The following ADGRF4 variants were observed in gnomAD, a reference collection of about 807,000 sequenced individuals.
ADGRF4 encodes G-protein coupled receptor PGR18.
A neutral mutation model predicts 58.5 loss-of-function variants in ADGRF4; 63 were observed. The observed-to-expected ratio is 1.08, with a 90% CI of 0.88 to 1.33. The LOEUF is 1.33. Ranked by LOEUF, ADGRF4 falls within the 40% of genes most tolerant of loss-of-function variation. The pLI is 0.00. For synonymous variants in ADGRF4, 313 were observed against 295.4 expected (o/e 1.06, Z -0.61); for missense variants, 931 against 843.9 (o/e 1.10, Z -1.28).
In ADGRF4 at chr6:47,710,835, G is replaced by A; in HGVS notation, c.249G>A (p.Trp83Ter). ...EIGFTCNQKK[W>*]QKSAETCTSL... is the part of the protein sequence containing the mutation. ...GATTTACATGTAATCAAAAAAAGTG[G>A]CAAAAATCAGCTGAAACATGTACAA... The change falls in exon 4 of 10, where the codon TGG (tryptophan) becomes TGA (stop). Residue 83 changes from tryptophan to a stop codon, truncating the protein, a stop_gained. Transcript: ENST00000283303. LOFTEE classifies it high-confidence loss of function. The A allele has an allele frequency of 6.2e-7, 1 of 1,613,916 alleles. No homozygotes were observed. Among genetic ancestry groups the A allele is most frequent in the Non-Finnish European group, 8.5e-7 (1 of 1,179,908 alleles).
At position 47,717,586 on chromosome 6, in the gene ADGRF4, T is replaced by C. The variant is rs569872843; in HGVS notation, c.2034+235T>C. On this transcript the variant is annotated intron_variant, in intron 8 of 9. Transcript: ENST00000283303. ...ATTGGATGTATTTCAGCTTGACATT[T>C]GAACCCATCAAGATGGGACCACATG... Among the ~76,000 whole-genome samples, 7 of 152,366 alleles carry C rather than the reference T, an allele frequency of 4.6e-5. No individual in the cohort carries two copies. In the East Asian group the frequency reaches 1.3e-3, roughly 29 times the overall value.
At position 47,715,037 on chromosome 6, in the gene ADGRF4, G is replaced by A. The variant is rs777757486; in HGVS notation, c.1792G>A (p.Val598Ile). 1.9e-6 allele frequency: 3 copies of A among 1,613,460 alleles called. No homozygotes were observed. Among genetic ancestry groups the A allele is most frequent in the East Asian group, 4.5e-5 (2 of 44,842 alleles). The change falls in exon 6 of 10, where the codon GTC becomes ATC. Residue 598 changes from valine (V) to isoleucine (I), a missense_variant. Physicochemically the swap from Val to Ile is conservative, Grantham distance 29 (BLOSUM62 3). Transcript: ENST00000283303. ...TGGCAGTTCCAAGTCTCAGGATGTG[G>A]TCATAATTATGAGGATCAGCAAAAA... ...SIGSSKSQDVVIIMRISKNVA... is the reference protein window; with the variant it reads ...SIGSSKSQDVIIIMRISKNVA...
intron 1 of ADGRF4, among the ~76,000 whole-genome samples, chr6:47,704,666 A>G (rs184034796): frequency 1.1e-4 from 16 of 152,292 alleles, no homozygotes; most frequent in South Asian, 8.3e-4. Flanking sequence ...CTTGTGAATT[A>G]AACTTAGTGG....
intron 5 of ADGRF4, among the ~76,000 whole-genome samples, chr6:47,712,927 A>C (rs1408654157): frequency 6.6e-6 from 1 of 152,226 alleles, no homozygotes; most frequent in Non-Finnish European, 1.5e-5. Flanking sequence ...ACACCCAGGC[A>C]GTGGATTGGT....
intron 1 of ADGRF4, among the ~76,000 whole-genome samples, chr6:47,706,430 G>T (rs1056069604): frequency 1.3e-5 from 2 of 152,176 alleles, no homozygotes; most frequent in African/African-American, 4.8e-5. Context: ...AGACGGTTGG[G>T]TTTATTAATT....
At chr6:47,708,349 A>G in intron 3 of ADGRF4, 71 bp downstream of exon 3, 1 of 1,185,084 alleles carries the variant, frequency 8.4e-7, no homozygotes, top group Non-Finnish European at 1.3e-6. Context: ...CTGATGTTGC[A>G]AGCTTGTCCC....
Position 47,714,135 on chromosome 6 carries a change from C to T in ADGRF4, c.890C>T (p.Thr297Ile), listed in dbSNP as rs1310569309. 5 of 1,613,842 alleles carry T rather than the reference C, an allele frequency of 3.1e-6. No homozygotes were observed. Among genetic ancestry groups the T allele is most frequent in the East Asian group, 2.2e-5 (1 of 44,896 alleles). The change falls in exon 6 of 10, where the codon ACC becomes ATC. Residue 297 changes from threonine (T) to isoleucine (I), a missense_variant. Physicochemically the swap from Thr to Ile is moderately conservative, Grantham distance 89. Transcript: ENST00000283303. ...ASQAISIAFP[T>I]LGAILREAHL... The stretch of plus-strand genomic sequence containing the variant: ...CAAGCCATTAGCATAGCTTTCCCAA[C>T]CTTGGGGGCTATCCTGAGAGAAGCC...
intron 1 of ADGRF4, among the ~76,000 whole-genome samples, chr6:47,700,404 C>T (rs1029759890): frequency 1.3e-5 from 2 of 152,208 alleles, no homozygotes; most frequent in Admixed American, 6.5e-5. Flanking sequence ...CCCAGACAGA[C>T]TCACTGTAGT....
intron 9 of ADGRF4, among the ~76,000 whole-genome samples, chr6:47,718,788 G>A (rs1470217425): frequency 6.6e-6 from 1 of 152,126 alleles, no homozygotes; most frequent in Admixed American, 6.5e-5. Flanking sequence ...GAATTACAAA[G>A]CAACAGGTCT....
chr6:47,720,352 C>T (rs61352896), intron 9 of ADGRF4, among the ~76,000 whole-genome samples: 2 of 152,180 alleles, frequency 1.3e-5, no homozygotes, highest in African/African-American at 2.4e-5. Context: ...AATAGAGGAT[C>T]GAAGGCTGAC....
intron 6 of ADGRF4, 89 bp from the exon 7 acceptor site, chr6:47,716,717 A>T: frequency 1.1e-6 from 1 of 949,486 alleles, no homozygotes; most frequent in South Asian, 1.4e-5. Flanking sequence ...TAACTGCCCT[A>T]GGAGGTATCT....
Position 47,698,785 on chromosome 6 carries a change from C to T in ADGRF4, c.-26C>T. Reference sequence around the variant, plus strand: ...CACCTCTGGGCTGCTAGATCTACTTCCTGGATGCCGTGAGTAGATGTCCTA... The same window carrying T: ...CACCTCTGGGCTGCTAGATCTACTTTCTGGATGCCGTGAGTAGATGTCCTA... On this transcript the variant is annotated 5_prime_UTR_variant, in exon 1 of 10. Coordinates refer to ENST00000283303, the MANE Select transcript of ADGRF4 (RefSeq NM_153838.5). The T allele has an allele frequency of 6.6e-6, 1 of 152,228 alleles. No homozygotes were observed. The highest frequency in any genetic ancestry group is 1.9e-4 in the East Asian group (1 of 5,198). The allele number at this position is 152,228 out of a possible 1,614,324, so 9.4% of individuals were successfully genotyped here.
Position 47,713,931 on chromosome 6 carries a change from A to G in ADGRF4, c.686A>G (p.Asn229Ser), listed in dbSNP as rs1581696840. 2.5e-6 allele frequency: 4 copies of G among 1,610,564 alleles called. No individual in the cohort carries two copies. The highest frequency in any genetic ancestry group is 3.4e-6 in the Non-Finnish European group (4 of 1,178,290). ...NLFARQLHIH[N>S]NSENIVNELF... ...TTTGCCAGACAACTCCACATCCACA[A>G]TAATTCTGAGAACATTGTGAATGAA... is the stretch of plus-strand genomic sequence containing the variant. Residue 229 changes from asparagine (N) to serine (S), a missense_variant, in exon 6 of 10, where the codon AAT becomes AGT. Transcript: ENST00000283303.
At chr6:47,713,473 A>G (rs1771919265) in intron 5 of ADGRF4, among the ~76,000 whole-genome samples, 1 of 152,216 alleles carries the variant, frequency 6.6e-6, no homozygotes, top group Admixed American at 6.5e-5. Flanking sequence ...TTGGATGACC[A>G]GAGAACATAC....
At chr6:47,719,852 G>C (rs141679214) in intron 9 of ADGRF4, among the ~76,000 whole-genome samples, 5 of 152,208 alleles carry the variant, frequency 3.3e-5, no homozygotes, top group African/African-American at 9.6e-5. Context: ...GGAAGTCCAG[G>C]AAGGAGGTGG....
chr6:47,717,503 G>A (rs534789342), intron 8 of ADGRF4, 152 bp downstream of exon 8: 7 of 675,698 alleles, frequency 1.0e-5, no homozygotes, highest in Non-Finnish European at 1.9e-5. Context: ...CGGTAAATTT[G>A]GAGTGTTCTG....
chr6:47,720,776 GT>G (rs1328761388), intron 9 of ADGRF4, among the ~76,000 whole-genome samples: 4 of 152,172 alleles, frequency 2.6e-5, no homozygotes, highest in Non-Finnish European at 2.9e-5. Context: ...GTTTATGCCT[GT>G]TTAGTATTGG....
At chr6:47,705,406 T>G (rs1401292293) in intron 1 of ADGRF4, among the ~76,000 whole-genome samples, 4 of 152,214 alleles carry the variant, frequency 2.6e-5, no homozygotes, top group Non-Finnish European at 5.9e-5. Context: ...ACATGGAGAC[T>G]TCTTTCTACC....
Position 47,699,816 on chromosome 6 carries a change from A to T in ADGRF4, c.-17+1022A>T, listed in dbSNP as rs942857129. ...CATAAACAACTCGTTTATCCATCTG[A>T]TGTTATAATCAGAGTTCTAATTATA... On this transcript the variant is annotated intron_variant, in intron 1 of 9. Transcript: ENST00000283303. 2.6e-5 allele frequency among the ~76,000 whole-genome samples: 4 copies of T among 152,096 alleles called. No individual in the cohort carries two copies. The East Asian group carries it at 7.7e-4, about 29-fold the overall frequency.
Sources: gnomAD v4.1 joint callset for allele counts (sites outside exome capture counted in the v4.1 genomes callset) on GRCh38, gnomAD v4.1.1 for gene constraint, MANE v1.5 for transcripts, NCBI Gene and HGNC (gene_info 2026-07-23, HGNC 2026-07-21) for gene names.